YME1L1: variants seen among roughly 807,000 people sequenced by gnomAD.
YME1L1 encodes YME1 like 1 ATPase.
A neutral mutation model predicts 90.4 loss-of-function variants in YME1L1; 39 were observed. The observed-to-expected ratio is 0.43, with a 90% confidence interval of 0.33 to 0.56. YME1L1 has a LOEUF of 0.56. Among genes scored for constraint, YME1L1 ranks in the 20% least tolerant of loss-of-function variants. The pLI is 0.03. For missense variants in YME1L1, 617 were observed against 868.4 expected (o/e 0.71, Z 3.64); for synonymous variants, 284 against 287.3 (o/e 0.99, Z 0.12).
intron 7 of YME1L1, among the ~76,000 whole-genome samples, chr10:27,132,314 G>C (rs1420080327): frequency 4.0e-5 from 6 of 151,644 alleles, no homozygotes; most frequent in African/African-American, 1.2e-4. Context: ...GGTCAGGCTG[G>C]TCTTGAACTC....
chr10:27,147,174 C>G (rs994586136), intron 2 of YME1L1: 81 of 571,178 alleles, frequency 1.4e-4, no homozygotes, highest in Non-Finnish European at 2.2e-4. Context: ...TTAGTTCTGT[C>G]TTATAGAAGA....
intron 1 of YME1L1, among the ~76,000 whole-genome samples, chr10:27,150,606 A>G (rs1358365849): frequency 6.6e-6 from 1 of 152,218 alleles, no homozygotes; most frequent in African/African-American, 2.4e-5. Context: ...GCTAGTCCTC[A>G]CTGCTCATTA....
At chr10:27,116,198 A>C in intron 16 of YME1L1, 21 bp downstream of exon 16, 1 of 1,614,076 alleles carries the variant, frequency 6.2e-7, no homozygotes, top group South Asian at 1.1e-5. Flanking sequence ...ATTTGAACTA[A>C]AGCCATTCTT....
intron 1 of YME1L1, among the ~76,000 whole-genome samples, chr10:27,152,035 C>T (rs1011589638): frequency 1.3e-5 from 2 of 151,706 alleles, no homozygotes; most frequent in African/African-American, 4.8e-5. Context: ...AGCAAAAAAA[C>T]ATGGATTTGT....
At chr10:27,120,348 A>G in intron 13 of YME1L1, 87 bp downstream of exon 13, 2 of 879,358 alleles carry the variant, frequency 2.3e-6, no homozygotes, top group Non-Finnish European at 3.5e-6. Context: ...TTTTAATGTT[A>G]ATACATGTAT....
rs1302422998 is a variant in YME1L1 at position 27,126,760 on chromosome 10, C to T, written c.885G>A (p.Gln295=). The T allele has an allele frequency of 6.3e-7, 1 of 1,589,956 alleles. No homozygotes were observed. Among genetic ancestry groups the T allele is most frequent in the Non-Finnish European group, 8.5e-7 (1 of 1,171,070 alleles). Residue 295 remains glutamine (Q), a synonymous_variant, in exon 9 of 19, where the codon CAG becomes CAA. Coordinates refer to ENST00000376016, the MANE Select transcript of YME1L1 (RefSeq NM_014263.4). ...KGVEEAKQEL[Q]EVVEFLKNPQ... ...GATTTTTCAAGAATTCAACAACTTC[C>T]TGTAATTCTTGTTTAGCTTCCTCCA...
intron 17 of YME1L1, among the ~76,000 whole-genome samples, chr10:27,115,702 T>C (rs2056805976): frequency 1.3e-5 from 2 of 152,244 alleles, no homozygotes; most frequent in African/African-American, 4.8e-5. Context: ...TCACAGAGTA[T>C]AGTAGTGCTT....
chr10:27,149,107 T>C (rs1310766250), intron 1 of YME1L1, 67 bp from the exon 2 acceptor site: 21 of 1,369,838 alleles, frequency 1.5e-5, no homozygotes, highest in Admixed American at 2.2e-5. Flanking sequence ...TCTCCTTTTT[T>C]TGTCAGGATT....
At chr10:27,127,427 C>T (rs932080147) in intron 8 of YME1L1, among the ~76,000 whole-genome samples, 1 of 152,114 alleles carries the variant, frequency 6.6e-6, no homozygotes, top group Non-Finnish European at 1.5e-5. Flanking sequence ...CACCAAGAGA[C>T]TTGTATAAAA....
chr10:27,151,053 G>A (rs1588619961), intron 1 of YME1L1, among the ~76,000 whole-genome samples: 1 of 151,374 alleles, frequency 6.6e-6, no homozygotes, highest in East Asian at 2.0e-4. Context: ...AGCCTCCCGA[G>A]TAGCTGGGAC....
At chr10:27,141,180 A>T (rs1458096386) in intron 4 of YME1L1, among the ~76,000 whole-genome samples, 1 of 152,120 alleles carries the variant, frequency 6.6e-6, no homozygotes, top group East Asian at 1.9e-4. Context: ...GGATCACCTA[A>T]GGTCAGGAGT....
intron 4 of YME1L1, 45 bp from the exon 5 acceptor site, chr10:27,136,430 G>A: frequency 1.3e-6 from 2 of 1,508,204 alleles, no homozygotes; most frequent in Non-Finnish European, 1.8e-6. Context: ...ATTGTTACAG[G>A]AAAAGAAAAA....
chr10:27,119,199 C>T (rs888839422), intron 14 of YME1L1, 95 bp downstream of exon 14: 3 of 1,189,492 alleles, frequency 2.5e-6, no homozygotes, highest in African/African-American at 3.2e-5. Context: ...TCAACATAGC[C>T]ATGGCTTTAG....
chr10:27,147,323 G>A (rs2057154359), intron 2 of YME1L1: 2 of 1,159,064 alleles, frequency 1.7e-6, no homozygotes. Context: ...GCAAGACCCT[G>A]TCTTTACAAA....
Position 27,148,904 on chromosome 10 carries a change from A to C in YME1L1, c.168+2T>G. 6.2e-7 allele frequency: 1 copy of C among 1,613,698 alleles called. No homozygotes were observed. The highest frequency in any genetic ancestry group is 8.5e-7 in the Non-Finnish European group (1 of 1,179,954). On this transcript the variant is annotated splice_donor_variant, in intron 2 of 18. Coordinates refer to ENST00000376016, the MANE Select transcript of YME1L1 (RefSeq NM_014263.4). LOFTEE classifies it high-confidence loss of function. Reference sequence around the variant, plus strand: ...TCTCACACAACCAGGATAAAGACTTACCTCACTGCTGGGAGCCTCATGCTC... The same window carrying C: ...TCTCACACAACCAGGATAAAGACTTCCCTCACTGCTGGGAGCCTCATGCTC...
At chr10:27,126,616 ATAAG>A (rs929832663) in intron 9 of YME1L1, 76 bp downstream of exon 9, 14 of 705,580 alleles carry the variant, frequency 2.0e-5, no homozygotes, top group Admixed American at 3.7e-5. Context: ...TTAAAATTAA[ATAAG>A]TAATATAGGT....
chr10:27,121,095 G>T (rs34341620), intron 12 of YME1L1, among the ~76,000 whole-genome samples: 12,734 of 152,100 alleles, frequency 0.084, 729 homozygotes, highest in East Asian at 0.29. Context: ...ATTTAAAGTG[G>T]ATACTTCAGT....
At chr10:27,116,993 AC>A (rs1479388691) in intron 15 of YME1L1, among the ~76,000 whole-genome samples, 3 of 152,244 alleles carry the variant, frequency 2.0e-5, no homozygotes, top group African/African-American at 7.2e-5. Context: ...TTTAGCTCTC[AC>A]TAAAGTACTT....
chr10:27,124,144 G>A (rs2056894482), intron 9 of YME1L1, among the ~76,000 whole-genome samples: 1 of 152,108 alleles, frequency 6.6e-6, no homozygotes, highest in South Asian at 2.1e-4. Context: ...AAGGAAATAG[G>A]CATAATTTCC....
Sources: allele counts gnomAD v4.1 joint callset (sites outside exome capture counted in the v4.1 genomes callset), GRCh38; gene constraint gnomAD v4.1.1; transcripts MANE v1.5; gene names NCBI Gene and HGNC (gene_info 2026-07-23, HGNC 2026-07-21).